UNC13C: variants seen among roughly 807,000 people sequenced by gnomAD.
UNC13C encodes the protein unc-13 homolog C.
In UNC13C, 174 loss-of-function variants were observed where a neutral mutation model predicts 245.4. The observed-to-expected ratio is 0.71, with a 90% confidence interval of 0.63 to 0.80. UNC13C has a LOEUF of 0.80. Ranked by LOEUF, UNC13C falls within the 30% of genes least tolerant of loss-of-function variation. The probability of loss-of-function intolerance (pLI) is 0.00; values close to 1 mark genes in which losing one functional copy is unlikely to be tolerated. For synonymous variants in UNC13C, 992 were observed against 895.1 expected (o/e 1.11, Z -1.93); for missense variants, 2,829 against 2,602.9 (o/e 1.09, Z -1.89).
the UNC13C span, among the ~76,000 whole-genome samples, chr15:53,853,587 T>G: frequency 2.0e-5 from 3 of 152,210 alleles, no homozygotes; most frequent in Non-Finnish European, 4.4e-5. Context: ...TCCACAATGG[T>G]TGAACTAATT....
chr15:54,014,517 G>C lies in UNC13C; in HGVS notation c.1614G>C (p.Gln538His), dbSNP rs1895545782. The C allele has an allele frequency of 6.2e-7, 1 of 1,613,730 alleles. No individual in the cohort carries two copies. The highest frequency in any genetic ancestry group is 8.5e-7 in the Non-Finnish European group (1 of 1,179,836). ...ATGCAACACCTCTCTGGCACTCACA[G>C]AGTGATTTTTTCACTGCTAAACTTA... is the stretch of plus-strand genomic sequence containing the variant. ...YADATPLWHS[Q>H]SDFFTAKLSR... Residue 538 changes from glutamine to histidine, a missense_variant, in exon 2 of 33, where the codon CAG (glutamine) becomes CAC (histidine). By Grantham distance (24) the Gln-to-His change is conservative. Coordinates refer to ENST00000260323, the MANE Select transcript of UNC13C (RefSeq NM_001080534.3).
intron 30 of UNC13C, among the ~76,000 whole-genome samples, chr15:54,606,758 A>G (rs1482548693): frequency 6.6e-6 from 1 of 152,090 alleles, no homozygotes; most frequent in Non-Finnish European, 1.5e-5. Context: ...TGAGCATCTG[A>G]CCCTACAGCC....
chr15:54,079,128 T>A (rs1242551066), intron 2 of UNC13C, among the ~76,000 whole-genome samples: 1 of 152,134 alleles, frequency 6.6e-6, no homozygotes, highest in East Asian at 1.9e-4. Flanking sequence ...TATAGGTGTG[T>A]GACTTTATTT....
At chr15:54,392,253 A>G (rs893383800) in intron 17 of UNC13C, among the ~76,000 whole-genome samples, 1 of 152,098 alleles carries the variant, frequency 6.6e-6, no homozygotes, top group Non-Finnish European at 1.5e-5. Flanking sequence ...GCATATGTTG[A>G]GTATGAAATT....
intron 30 of UNC13C, among the ~76,000 whole-genome samples, chr15:54,617,668 G>C (rs1489499139): frequency 1.3e-5 from 2 of 152,072 alleles, no homozygotes; most frequent in Non-Finnish European, 2.9e-5. Flanking sequence ...GAAATAATGA[G>C]CAAAGACCAG....
chr15:53,971,477 A>G, the UNC13C span, among the ~76,000 whole-genome samples: 1 of 152,296 alleles, frequency 6.6e-6, no homozygotes, highest in East Asian at 1.9e-4. Context: ...AGTATGATGA[A>G]GGAAACAGCA....
At chr15:54,136,272 G>A (rs1173712692) in intron 2 of UNC13C, among the ~76,000 whole-genome samples, 1 of 152,038 alleles carries the variant, frequency 6.6e-6, no homozygotes, top group African/African-American at 2.4e-5. Context: ...TGAGTAGCTG[G>A]GGCTATAGGC....
rs191939083 is a variant in UNC13C at position 54,224,141 on chromosome 15, T to C, written c.3072-10889T>C. Among the ~76,000 whole-genome samples the C allele has an allele frequency of 2.6e-5, 4 of 152,202 alleles. No individual in the cohort carries two copies. In the East Asian group the frequency reaches 7.7e-4, roughly 29 times the overall value. On this transcript the variant is annotated intron_variant, in intron 4 of 32. Coordinates refer to ENST00000260323, the MANE Select transcript of UNC13C (RefSeq NM_001080534.3). ...GTTGCACTTTATATCTTTTGTCTGA[T>C]TACTCCAGCTAGGACTTCCAGTACT...
intron 2 of UNC13C, among the ~76,000 whole-genome samples, chr15:54,124,323 G>A (rs2030886034): frequency 6.6e-6 from 1 of 152,096 alleles, no homozygotes; most frequent in East Asian, 1.9e-4. Flanking sequence ...ACTGCTTTTT[G>A]TTTTATTTGT....
chr15:53,998,457 A>T lies in UNC13C; in HGVS notation c.-256-14191A>T, dbSNP rs181046068. ...TAGTAGTGAGAAACATAATTTATCT[A>T]TACTGAGCTTATGTTCTGTGAGCTT... On this transcript the variant is annotated intron_variant, in intron 1 of 32. Transcript: ENST00000260323. Among the ~76,000 whole-genome samples, 7 of 152,238 alleles carry T rather than the reference A, an allele frequency of 4.6e-5. No homozygotes were observed. In the East Asian group the frequency reaches 9.6e-4, roughly 21 times the overall value.
At chr15:53,847,519 G>A in the UNC13C span, among the ~76,000 whole-genome samples, 1 of 125,584 alleles carries the variant, frequency 8.0e-6, no homozygotes, top group African/African-American at 2.8e-5. Flanking sequence ...ACCATGCCTG[G>A]CTATTTTTTT....
the UNC13C span, among the ~76,000 whole-genome samples, chr15:53,878,799 T>C: frequency 6.6e-6 from 1 of 152,330 alleles, no homozygotes; most frequent in East Asian, 1.9e-4. Flanking sequence ...CTTATTGCAT[T>C]GATAGAGATT....
chr15:54,135,269 G>A (rs564774719), intron 2 of UNC13C, among the ~76,000 whole-genome samples: 61 of 152,150 alleles, frequency 4.0e-4, no homozygotes, highest in African/African-American at 8.9e-4. Context: ...TCATTTTGCC[G>A]ATTGTTTCCT....
intron 10 of UNC13C, among the ~76,000 whole-genome samples, chr15:54,291,955 A>G (rs2037309741): frequency 6.6e-6 from 1 of 152,024 alleles, no homozygotes; most frequent in African/African-American, 2.4e-5. Flanking sequence ...TAGAATACAT[A>G]GTAGACACTG....
the UNC13C span, among the ~76,000 whole-genome samples, chr15:53,900,229 T>C: frequency 6.6e-6 from 1 of 152,180 alleles, no homozygotes; most frequent in Non-Finnish European, 1.5e-5. Context: ...TAGTAAGCAG[T>C]TTATGTTATT....
intron 13 of UNC13C, among the ~76,000 whole-genome samples, chr15:54,320,415 G>A (rs1005200604): frequency 2.6e-5 from 4 of 151,006 alleles, no homozygotes; most frequent in East Asian, 3.9e-4. Context: ...CATTTATTCC[G>A]CATCATGATC....
At chr15:54,584,609 G>A (rs1238919018) in intron 30 of UNC13C, among the ~76,000 whole-genome samples, 1 of 152,254 alleles carries the variant, frequency 6.6e-6, no homozygotes, top group African/African-American at 2.4e-5. Context: ...GAAGAAGTCA[G>A]TTTTTCTTTC....
intron 30 of UNC13C, among the ~76,000 whole-genome samples, chr15:54,603,718 G>A (rs960648091): frequency 1.2e-4 from 18 of 152,064 alleles, no homozygotes; most frequent in Non-Finnish European, 2.5e-4. Flanking sequence ...ACAAAAATTA[G>A]CCAGGTGTAG....
chr15:54,135,483 A>G lies in UNC13C; in HGVS notation c.2984-7535A>G, dbSNP rs372918491. ...CATTCCAAGTTAATTTTTATGTGGT[A>G]TAAAATAAGGATCCAATTGTATTCT... On this transcript the variant is annotated intron_variant, in intron 2 of 32. Coordinates refer to ENST00000260323, the MANE Select transcript of UNC13C (RefSeq NM_001080534.3). Among the ~76,000 whole-genome samples the G allele has an allele frequency of 6.7e-4, 102 of 152,354 alleles. 1 individual carries two copies. The Middle Eastern group carries it at 0.01, about 15-fold the overall frequency.
Sources: allele counts gnomAD v4.1 joint callset (sites outside exome capture counted in the v4.1 genomes callset), GRCh38; gene constraint gnomAD v4.1.1; transcripts MANE v1.5; gene names NCBI Gene and HGNC (gene_info 2026-07-23, HGNC 2026-07-21).